FKBP7: variants seen among roughly 807,000 people sequenced by gnomAD.
FKBP7 encodes peptidyl-prolyl cis-trans isomerase FKBP7.
Under a neutral mutation model 24.3 loss-of-function variants are expected in FKBP7, and 24 were observed. The observed-to-expected ratio is 0.99, with a 90% CI of 0.72 to 1.39. FKBP7 has a LOEUF of 1.39. Ranked by LOEUF, FKBP7 falls within the 40% of genes most tolerant of loss-of-function variation. The probability of loss-of-function intolerance (pLI) is 0.00; values close to 1 mark genes in which losing one functional copy is unlikely to be tolerated. For missense variants in FKBP7, 257 were observed against 269.5 expected (o/e 0.95, Z 0.33); for synonymous variants, 98 against 92.8 (o/e 1.06, Z -0.32).
intron 2 of FKBP7, among the ~76,000 whole-genome samples, chr2:178,475,461 C>T (rs1478170421): frequency 1.3e-5 from 2 of 152,108 alleles, no homozygotes; most frequent in Non-Finnish European, 2.9e-5. Flanking sequence ...AACTCCTGAC[C>T]TGAAGTGATC....
intron 3 of FKBP7, among the ~76,000 whole-genome samples, chr2:178,469,091 G>A (rs1485877352): frequency 2.0e-5 from 3 of 151,724 alleles, no homozygotes; most frequent in African/African-American, 7.3e-5. Context: ...GGCTGGTCTT[G>A]AACTCCTGGG....
intron 1 of FKBP7, among the ~76,000 whole-genome samples, chr2:178,477,528 T>G (rs1575138286): frequency 1.3e-5 from 2 of 152,250 alleles, no homozygotes; most frequent in East Asian, 3.9e-4. Context: ...CTCATTTAAC[T>G]CCCTGGGTTT....
intron 2 of FKBP7, chr2:178,473,182 A>G (rs1684903762): frequency 2.3e-6 from 2 of 885,816 alleles, no homozygotes; most frequent in Admixed American, 2.4e-5. Context: ...CTTAATAACA[A>G]CTTACTTTTA....
In FKBP7 at chr2:178,465,199, A is replaced by C. The variant is rs1032778273; in HGVS notation, c.*571T>G. 3 of 152,208 alleles carry C rather than the reference A, an allele frequency of 2.0e-5. No homozygotes were observed. The highest frequency in any genetic ancestry group is 7.2e-5 in the African/African-American group (3 of 41,458). 9.4% of individuals were successfully genotyped at this position (152,208 alleles called of 1,614,324 possible). ...TACCCAAGGCTAGAAGCTTACACCAAAAAGTTTAGAGACTGTGTTGCGTTC... is the reference window on the plus strand; with the variant it reads ...TACCCAAGGCTAGAAGCTTACACCACAAAGTTTAGAGACTGTGTTGCGTTC... On this transcript the variant is annotated 3_prime_UTR_variant, in exon 4 of 4. Transcript: ENST00000424785.
intron 3 of FKBP7, among the ~76,000 whole-genome samples, chr2:178,466,608 A>G (rs1684666679): frequency 1.3e-5 from 2 of 152,174 alleles, no homozygotes; most frequent in Admixed American, 6.6e-5. Context: ...AATATATAAC[A>G]GATTTTGAAG....
chr2:178,472,567 C>T (rs1295006727), intron 2 of FKBP7, among the ~76,000 whole-genome samples: 1 of 151,782 alleles, frequency 6.6e-6, no homozygotes, highest in East Asian at 1.9e-4. Flanking sequence ...CTCTGCCTCC[C>T]AGGTTCAAGC....
intron 2 of FKBP7, among the ~76,000 whole-genome samples, chr2:178,473,298 A>G (rs1684907783): frequency 6.6e-6 from 1 of 152,244 alleles, no homozygotes; most frequent in South Asian, 2.1e-4. Context: ...TGCCTAATGT[A>G]ACGCAGGCAA....
intron 1 of FKBP7, 65 bp from the exon 2 acceptor site, chr2:178,477,278 G>T: frequency 6.5e-7 from 1 of 1,542,696 alleles, no homozygotes; most frequent in Non-Finnish European, 8.8e-7. Flanking sequence ...ATACAGCTGG[G>T]CATTTAAAAT....
At chr2:178,474,846 C>T (rs1463738039) in intron 2 of FKBP7, among the ~76,000 whole-genome samples, 1 of 152,164 alleles carries the variant, frequency 6.6e-6, no homozygotes, top group African/African-American at 2.4e-5. Context: ...TACCGCCACG[C>T]CTGGCTAACT....
Position 178,463,854 on chromosome 2 carries a change from C to CA in FKBP7, c.*1915dup, listed in dbSNP as rs1684586217. The CA allele has an allele frequency of 6.6e-6, 1 of 151,990 alleles. No individual in the cohort carries two copies. The highest frequency in any genetic ancestry group is 1.5e-5 in the Non-Finnish European group (1 of 68,004). 9.4% of individuals were successfully genotyped at this position (151,990 alleles called of 1,614,324 possible). Reference sequence around the variant, plus strand: ...ATAGGGTGACTTCTTAATATGGATACAAAAAATTGAGACAGGTTCCAAACC... The same window carrying CA: ...ATAGGGTGACTTCTTAATATGGATACAAAAAAATTGAGACAGGTTCCAAACC... On this transcript the variant is annotated 3_prime_UTR_variant, in exon 4 of 4. Coordinates refer to ENST00000424785, the MANE Select transcript of FKBP7 (RefSeq NM_181342.3).
chr2:178,477,320 A>G (rs1685039260), intron 1 of FKBP7, 107 bp from the exon 2 acceptor site: 2 of 1,130,066 alleles, frequency 1.8e-6, no homozygotes, highest in Non-Finnish European at 2.5e-6. Context: ...TTCCCATATA[A>G]TCACTCTTTC....
In FKBP7 at chr2:178,473,833, A is replaced by G. The variant is rs184778262; in HGVS notation, c.373+3229T>C. ...TTGCATTTGACTTAATTTATTTTCA[A>G]TTTTCCTTCTCTTTCTCCTAGGTTC... On this transcript the variant is annotated intron_variant, in intron 2 of 3. Coordinates refer to ENST00000424785, the MANE Select transcript of FKBP7 (RefSeq NM_181342.3). 1.4e-3 allele frequency among the ~76,000 whole-genome samples: 217 copies of G among 152,324 alleles called. 1 individual carries two copies. Among genetic ancestry groups the G allele is most frequent in the African/African-American group, 5.1e-3 (210 of 41,576 alleles).
intron 2 of FKBP7, among the ~76,000 whole-genome samples, chr2:178,474,967 C>G (rs1684960001): frequency 6.6e-6 from 1 of 152,168 alleles, no homozygotes; most frequent in Admixed American, 6.5e-5. Flanking sequence ...GGATTATAGG[C>G]ATGAAGCCAC....
chr2:178,465,845 A>C lies in FKBP7; in HGVS notation c.594T>G (p.Phe198Leu). 2 of 1,612,498 alleles carry C rather than the reference A, an allele frequency of 1.2e-6. No individual in the cohort carries two copies. The highest frequency in any genetic ancestry group is 1.7e-6 in the Non-Finnish European group (2 of 1,179,288). The change falls in exon 4 of 4, where the codon TTT (phenylalanine) becomes TTG (leucine). Residue 198 changes from phenylalanine to leucine, a missense_variant. Transcript: ENST00000424785. The part of the protein sequence containing the change: ...SYQDAVLEDI[F>L]KKNDHDGDGF... ...CATCACCATCATGGTCATTCTTCTT[A>C]AAAATATCTTCTAAAACTGCATCCT...
chr2:178,466,392 T>C (rs971470585), intron 3 of FKBP7, among the ~76,000 whole-genome samples: 1 of 152,156 alleles, frequency 6.6e-6, no homozygotes, highest in Admixed American at 6.5e-5. Flanking sequence ...TATGCTTCTA[T>C]AGCTCTCCTC....
chr2:178,471,663 G>A (rs997751473), intron 2 of FKBP7, among the ~76,000 whole-genome samples: 1 of 152,186 alleles, frequency 6.6e-6, no homozygotes, highest in Admixed American at 6.5e-5. Flanking sequence ...ATCTACTACA[G>A]GCAGTCCAAT....
At position 178,478,373 on chromosome 2, in the gene FKBP7, G is replaced by A. The variant is rs1685073663; in HGVS notation, c.127C>T (p.Pro43Ser). 6.2e-7 allele frequency: 1 copy of A among 1,614,096 alleles called. No individual in the cohort carries two copies. Among genetic ancestry groups the A allele is most frequent in the Non-Finnish European group, 8.5e-7 (1 of 1,180,012 alleles). The change falls in exon 1 of 4, where the codon CCA (proline) becomes TCA (serine). Residue 43 changes from proline to serine, a missense_variant. Pro to Ser is a moderately conservative substitution (Grantham distance 74, BLOSUM62 -1). Transcript: ENST00000424785. ...EEVKIEVLHR[P>S]ENCSKTSKKG... ...TTGCTTGTCTTAGAGCAGTTTTCTGGACGATGCAAAACTTCTATTTTCACT... is the reference window on the plus strand; with the variant it reads ...TTGCTTGTCTTAGAGCAGTTTTCTGAACGATGCAAAACTTCTATTTTCACT...
intron 2 of FKBP7, among the ~76,000 whole-genome samples, chr2:178,476,121 CAAAT>C (rs751243105): frequency 1.5e-4 from 23 of 152,046 alleles, no homozygotes; most frequent in African/African-American, 4.8e-4. Flanking sequence ...ATGCTGAAAA[CAAAT>C]AAAAATGCTT....
At chr2:178,469,605 C>G in intron 3 of FKBP7, 47 bp downstream of exon 3, 1 of 1,601,740 alleles carries the variant, frequency 6.2e-7, no homozygotes, top group Non-Finnish European at 8.5e-7. Context: ...TGTATTTAAA[C>G]TGTGATAAAA....
Sources: gnomAD v4.1 joint callset for allele counts (sites outside exome capture counted in the v4.1 genomes callset) on GRCh38, gnomAD v4.1.1 for gene constraint, MANE v1.5 for transcripts, NCBI Gene and HGNC (gene_info 2026-07-23, HGNC 2026-07-21) for gene names.